The following NSUN6 variants were observed in gnomAD, a reference collection of about 807,000 sequenced individuals.
NSUN6 encodes tRNA (cytosine(72)-C(5))-methyltransferase NSUN6.
NSUN6 carries 64 observed loss-of-function variants against 58.0 expected under a neutral mutation model. The ratio of observed to expected loss-of-function variants is 1.10; its 90% CI spans 0.90 to 1.36. The LOEUF (loss-of-function observed/expected upper bound fraction) is 1.36, where lower values mean the gene tolerates loss of function less well. NSUN6 is among the 40% of genes most tolerant of loss of function. The probability of loss-of-function intolerance (pLI) is 0.00; values close to 1 mark genes in which losing one functional copy is unlikely to be tolerated. For missense variants in NSUN6, 701 were observed against 550.1 expected (o/e 1.27, Z -2.74); for synonymous variants, 231 against 193.9 (o/e 1.19, Z -1.59).
At chr10:18,549,231 T>C (rs1275161385) in intron 9 of NSUN6, among the ~76,000 whole-genome samples, 1 of 152,154 alleles carries the variant, frequency 6.6e-6, no homozygotes, top group African/African-American at 2.4e-5. Flanking sequence ...AAGTCTCTTG[T>C]TGCCTCTCTG....
At chr10:18,659,233 G>T, upstream of NSUN6, 1 of 196,216 alleles carries the variant, frequency 5.1e-6, no homozygotes, top group Non-Finnish European at 1.0e-5. Flanking sequence ...CTCTCCTACC[G>T]GAAGTGAAAC....
At chr10:18,558,595 G>C (rs975010117) in intron 8 of NSUN6, among the ~76,000 whole-genome samples, 2 of 151,046 alleles carry the variant, frequency 1.3e-5, no homozygotes. Flanking sequence ...ATGAAATGGA[G>C]GTTGGTAAGG....
At chr10:18,621,815 T>C (rs1354629660) in intron 3 of NSUN6, among the ~76,000 whole-genome samples, 1 of 152,156 alleles carries the variant, frequency 6.6e-6, no homozygotes, top group Non-Finnish European at 1.5e-5. Flanking sequence ...TATTTGGTAT[T>C]TTAACTGCAC....
intron 8 of NSUN6, among the ~76,000 whole-genome samples, chr10:18,553,885 G>C (rs928631398): frequency 6.7e-6 from 1 of 150,222 alleles, no homozygotes; most frequent in Non-Finnish European, 1.5e-5. Flanking sequence ...CTGGAATGCA[G>C]AGTGGAATGA....
chr10:18,613,143 C>G (rs2058295568), intron 5 of NSUN6, among the ~76,000 whole-genome samples: 1 of 151,934 alleles, frequency 6.6e-6, no homozygotes, highest in Non-Finnish European at 1.5e-5. Flanking sequence ...ACTGTGTCAC[C>G]CAGGCTGGAG....
intron 8 of NSUN6, among the ~76,000 whole-genome samples, chr10:18,559,799 G>T (rs1396912007): frequency 7.7e-6 from 1 of 129,314 alleles, no homozygotes; most frequent in African/African-American, 2.7e-5. Flanking sequence ...AGCGAATGGA[G>T]AATAGAATGG....
Position 18,648,542 on chromosome 10 carries a change from T to C in NSUN6, c.179A>G (p.His60Arg), listed in dbSNP as rs772106358. 6.2e-7 allele frequency: 1 copy of C among 1,608,976 alleles called. No homozygotes were observed. The highest frequency in any genetic ancestry group is 1.1e-5 in the South Asian group (1 of 90,946). ...TTTCACATGTTGTACTGAGGCTAAA[T>C]GTGTATTCACTCTGACAGTTGTAAA... ...PSFTTVRVNTHLASVQHVKNL... is the reference protein window; with the variant it reads ...PSFTTVRVNTRLASVQHVKNL... Residue 60 changes from histidine to arginine, a missense_variant, in exon 2 of 11, where the codon CAT (histidine) becomes CGT (arginine). His to Arg is a conservative substitution (Grantham distance 29, BLOSUM62 0). Transcript: ENST00000377304.
At chr10:18,629,074 G>C (rs1380069500) in intron 3 of NSUN6, among the ~76,000 whole-genome samples, 1 of 152,140 alleles carries the variant, frequency 6.6e-6, no homozygotes, top group Non-Finnish European at 1.5e-5. Flanking sequence ...AACTCTACAA[G>C]CCAGAAGAGA....
In NSUN6 at chr10:18,648,719, A is replaced by T. The variant is rs1160915948; in HGVS notation, c.76-74T>A. Reference sequence around the variant, plus strand: ...CAGAGCATCCTTATATATTAATTCCATCTAATGAAACATCGCTTAGCAATT... The same window carrying T: ...CAGAGCATCCTTATATATTAATTCCTTCTAATGAAACATCGCTTAGCAATT... On this transcript the variant is annotated intron_variant, in intron 1 of 10. Transcript: ENST00000377304. 4.6e-5 allele frequency: 37 copies of T among 796,120 alleles called. 1 individual carries two copies. The Admixed American group carries it at 8.9e-4, about 19-fold the overall frequency. The allele number at this position is 796,120 out of a possible 1,614,324, so 49.3% of individuals were successfully genotyped here.
chr10:18,562,722 AAT>A (rs1297104318), intron 8 of NSUN6, among the ~76,000 whole-genome samples: 2 of 150,892 alleles, frequency 1.3e-5, no homozygotes, highest in African/African-American at 2.5e-5. Flanking sequence ...AATGGAATGG[AAT>A]GCGAAATGGA....
At chr10:18,605,071 G>C (rs1242750284) in intron 6 of NSUN6, among the ~76,000 whole-genome samples, 3 of 151,414 alleles carry the variant, frequency 2.0e-5, no homozygotes, top group African/African-American at 4.8e-5. Context: ...ATTTTTAGTA[G>C]AGATGGGGTT....
intron 3 of NSUN6, 70 bp downstream of exon 3, chr10:18,642,406 C>T (rs901435014): frequency 2.5e-5 from 19 of 769,996 alleles, no homozygotes; most frequent in African/African-American, 2.3e-4. Flanking sequence ...TATCACTGAA[C>T]AATTAAAAAG....
chr10:18,623,836 C>G (rs983787274), intron 3 of NSUN6, among the ~76,000 whole-genome samples: 3 of 152,164 alleles, frequency 2.0e-5, no homozygotes, highest in East Asian at 1.9e-4. Context: ...CAGAGAGCCT[C>G]GGCTCTGCTC....
intron 6 of NSUN6, among the ~76,000 whole-genome samples, chr10:18,598,187 T>C (rs2057669292): frequency 6.6e-6 from 1 of 152,342 alleles, no homozygotes; most frequent in African/African-American, 2.4e-5. Context: ...TCCTTGAGAA[T>C]GTACTTTGTG....
At chr10:18,600,108 C>A (rs2057746069) in intron 6 of NSUN6, among the ~76,000 whole-genome samples, 2 of 152,126 alleles carry the variant, frequency 1.3e-5, no homozygotes, top group South Asian at 4.1e-4. Context: ...ACCCCACTTA[C>A]CACTAAAAAG....
chr10:18,652,556 C>T, upstream of NSUN6: 1 of 843,758 alleles, frequency 1.2e-6, no homozygotes, highest in Non-Finnish European at 1.4e-6. Context: ...AGTTGTTTAT[C>T]ATTTTCTCTG....
At chr10:18,634,447 T>G (rs2059142817) in intron 3 of NSUN6, among the ~76,000 whole-genome samples, 1 of 152,126 alleles carries the variant, frequency 6.6e-6, no homozygotes, top group Non-Finnish European at 1.5e-5. Context: ...ACAGAGCCCA[T>G]GACCAAGACA....
chr10:18,628,947 A>C (rs1421681383), intron 3 of NSUN6, among the ~76,000 whole-genome samples: 1 of 152,158 alleles, frequency 6.6e-6, no homozygotes, highest in Non-Finnish European at 1.5e-5. Flanking sequence ...CAAGACACAT[A>C]ATTGTCAGAT....
intron 6 of NSUN6, among the ~76,000 whole-genome samples, chr10:18,598,103 G>A (rs1415465000): frequency 6.6e-6 from 1 of 152,124 alleles, no homozygotes; most frequent in East Asian, 1.9e-4. Flanking sequence ...ATTGTGATTT[G>A]TTTCTGCCCC....
Sources: gnomAD v4.1 joint callset for allele counts (sites outside exome capture counted in the v4.1 genomes callset) on GRCh38, gnomAD v4.1.1 for gene constraint, MANE v1.5 for transcripts, NCBI Gene and HGNC (gene_info 2026-07-23, HGNC 2026-07-21) for gene names.